The following APC2 variants were observed in gnomAD, a reference collection of about 807,000 sequenced individuals.
APC2 encodes APC regulator of Wnt signaling pathway 2.
A neutral mutation model predicts 72.5 loss-of-function variants in APC2; 41 were observed. The observed-to-expected ratio is 0.57, with a 90% CI of 0.44 to 0.73. The LOEUF (loss-of-function observed/expected upper bound fraction) is 0.73, where lower values mean the gene tolerates loss of function less well. Ranked by LOEUF, APC2 falls within the 30% of genes least tolerant of loss-of-function variation. The pLI is 0.00. For synonymous variants in APC2, 1,898 were observed against 1,612.0 expected, an observed-to-expected ratio of 1.18 and a Z score of -4.25; for missense variants, 3,729 against 3,403.4, an observed-to-expected ratio of 1.10 and a Z score of -2.38.
In APC2 at chr19:1,466,668, C is replaced by A; in HGVS notation, c.3367C>A (p.Pro1123Thr). 6.7e-7 allele frequency: 1 copy of A among 1,502,930 alleles called. No homozygotes were observed. Among genetic ancestry groups the A allele is most frequent in the Non-Finnish European group, 8.9e-7 (1 of 1,126,496 alleles). The allele number at this position is 1,502,930 out of a possible 1,614,324, so 93.1% of individuals were successfully genotyped here. A position where few individuals can be genotyped will look rare whatever the true frequency, so the allele number is the denominator to read the frequency against. ...TWRAPGATSLPVAIPAPRRNR... is the reference protein window; with the variant it reads ...TWRAPGATSLTVAIPAPRRNR... ...GCGGGCGCCCGGGGCCACCTCGCTG[C>A]CCGTAGCCATTCCGGCTCCCCGGCG... Residue 1123 changes from proline to threonine, a missense_variant, in exon 15 of 15, where the codon CCC becomes ACC. Transcript: ENST00000590469.
At position 1,457,213 on chromosome 19, in the gene APC2, G is replaced by A. The variant is rs1293067721; in HGVS notation, c.1177G>A (p.Gly393Ser). Residue 393 changes from glycine (G) to serine (S), a missense_variant, in exon 9 of 15, where the codon GGC (glycine) becomes AGC (serine). Physicochemically the swap from Gly to Ser is moderately conservative, Grantham distance 56. Coordinates refer to ENST00000590469, the MANE Select transcript of APC2 (RefSeq NM_005883.3). ...TCWDWLQARD[G>S]GPEGGGAGSA... ...CTGGGACTGGCTGCAGGCCCGAGAC[G>A]GCGGGCCCGAGGGAGGTGGCGCCGG... The A allele has an allele frequency of 3.2e-6, 5 of 1,546,770 alleles. No homozygotes were observed. Among genetic ancestry groups the A allele is most frequent in the African/African-American group, 1.4e-5 (1 of 72,606 alleles).
rs914954991 is a variant in APC2, at chr19:1,467,215, G to T, written c.3914G>T (p.Gly1305Val). ...CTGCCCTCGGCCTGCCCCGAGCGCG[G>T]CGGGGGCGCCGGGGGCGCCGGCCTC... ...RLLPSACPER[G>V]GGAGGAGLHF... The change falls in exon 15 of 15, where the codon GGC becomes GTC. Residue 1305 changes from glycine (G) to valine (V), a missense_variant. Coordinates refer to ENST00000590469, the MANE Select transcript of APC2 (RefSeq NM_005883.3). 3 of 1,402,008 alleles carry T rather than the reference G, an allele frequency of 2.1e-6. No individual in the cohort carries two copies. The African/African-American group carries it at 4.5e-5, about 21-fold the overall frequency. The allele number at this position is 1,402,008 out of a possible 1,614,324, so 86.8% of individuals were successfully genotyped here.
At position 1,466,690 on chromosome 19, in the gene APC2, G is replaced by A. The variant is rs1200559685; in HGVS notation, c.3389G>A (p.Arg1130Gln). The part of the protein sequence containing the change: ...TSLPVAIPAP[R>Q]RNRGRGLGVE... ...CTGCCCGTAGCCATTCCGGCTCCCC[G>A]GCGTAACCGAGGCCGGGGCCTGGGG... The change falls in exon 15 of 15, where the codon CGG becomes CAG. Residue 1130 changes from arginine to glutamine, a missense_variant. Coordinates refer to ENST00000590469, the MANE Select transcript of APC2 (RefSeq NM_005883.3). 12 of 1,515,668 alleles carry A rather than the reference G, an allele frequency of 7.9e-6. No individual in the cohort carries two copies. Among genetic ancestry groups the A allele is most frequent in the Admixed American group, 2.0e-5 (1 of 49,686 alleles). The allele number at this position is 1,515,668 out of a possible 1,614,324, so 93.9% of individuals were successfully genotyped here. A position where few individuals can be genotyped will look rare whatever the true frequency, so the allele number is the denominator to read the frequency against.
chr19:1,468,587 C>T lies in APC2; in HGVS notation c.5286C>T (p.Ser1762=). 6.3e-7 allele frequency: 1 copy of T among 1,598,782 alleles called. No homozygotes were observed. The highest frequency in any genetic ancestry group is 8.5e-7 in the Non-Finnish European group (1 of 1,170,860). ...EKRGAASVKT[S]GSPRSPAGPE... is the part of the protein sequence containing the mutation. ...GGGGCGCAGCCTCAGTCAAGACCAG[C>T]GGGAGCCCCCGTTCCCCTGCAGGCC... Residue 1762 remains serine (S), a synonymous_variant, in exon 15 of 15, where the codon AGC becomes AGT. Transcript: ENST00000590469.
Position 1,457,152 on chromosome 19 carries a change from C to T in APC2, c.1116C>T (p.His372=), listed in dbSNP as rs777020330. The T allele has an allele frequency of 1.9e-6, 3 of 1,586,948 alleles. No homozygotes were observed. The highest frequency in any genetic ancestry group is 1.8e-5 in the Admixed American group (1 of 56,850). ...GLARKEMRVL[H]VLEQIRAYCE... ...CGCGCAAGGAGATGCGCGTCCTGCA[C>T]GTGCTGGAGCAGATCCGGGCCTACT... Residue 372 remains histidine (H), a synonymous_variant, in exon 9 of 15, where the codon CAC becomes CAT. Transcript: ENST00000590469.
intron 9 of APC2, 97 bp downstream of exon 9, chr19:1,457,340 G>C: frequency 1.4e-6 from 2 of 1,426,524 alleles, no homozygotes; most frequent in South Asian, 2.9e-5. Context: ...TTTGCTGCCT[G>C]CCTTCTGGCG....
chr19:1,458,756 G>A (rs1482050992), intron 10 of APC2, among the ~76,000 whole-genome samples: 2 of 151,918 alleles, frequency 1.3e-5, no homozygotes, highest in Admixed American at 6.6e-5. Context: ...TCACTCTGTT[G>A]CCCAGGCTGG....
upstream of APC2, among the ~76,000 whole-genome samples, chr19:1,448,028 G>A (rs2083702105): frequency 6.6e-6 from 1 of 152,134 alleles, no homozygotes; most frequent in African/African-American, 2.4e-5. Context: ...AACAAGACTG[G>A]AAACCGAGGC....
At position 1,468,115 on chromosome 19, in the gene APC2, C is replaced by T. The variant is rs759638861; in HGVS notation, c.4814C>T (p.Ala1605Val). Residue 1605 changes from alanine to valine, a missense_variant, in exon 15 of 15, where the codon GCG becomes GTG. Transcript: ENST00000590469. ...GTCCATCCACGAGGCCGGGAGCCCG[C>T]GGTCACCAAGGACCCGGGCCCAGGA... ...PAVHPRGREP[A>V]VTKDPGPGGG... 11 of 1,519,642 alleles carry T rather than the reference C, an allele frequency of 7.2e-6. 1 individual carries two copies. In the South Asian group the frequency reaches 8.5e-5, roughly 12 times the overall value. The allele number at this position is 1,519,642 out of a possible 1,614,324, so 94.1% of individuals were successfully genotyped here.
rs143843462 is a variant in APC2 at position 1,460,950 on chromosome 19, G to A, written c.1522-87G>A. Reference sequence around the variant, plus strand: ...TGTGGTGGGCTGGCAGGGGTGTCCCGTCCGACTCTCTGCAGACTCACATTT... The same window carrying A: ...TGTGGTGGGCTGGCAGGGGTGTCCCATCCGACTCTCTGCAGACTCACATTT... On this transcript the variant is annotated intron_variant, in intron 12 of 14. Coordinates refer to ENST00000590469, the MANE Select transcript of APC2 (RefSeq NM_005883.3). 1.4e-4 allele frequency: 225 copies of A among 1,592,640 alleles called. 1 individual carries two copies. Among genetic ancestry groups the A allele is most frequent in the African/African-American group, 1.2e-3 (91 of 74,644 alleles).
intron 6 of APC2, among the ~76,000 whole-genome samples, chr19:1,455,776 G>A (rs2083813305): frequency 6.6e-6 from 1 of 152,102 alleles, no homozygotes; most frequent in South Asian, 2.1e-4. Context: ...GGTGGGTGGG[G>A]CCTAGAAGGA....
rs150959468 is a variant in APC2, at chr19:1,453,532, G to C, written c.334G>C (p.Gly112Arg). Residue 112 changes from glycine to arginine, a missense_variant, in exon 4 of 15, where the codon GGC becomes CGC. By Grantham distance (125) the Gly-to-Arg change is moderately radical. Transcript: ENST00000590469. ...GACCCCCGAGGGCAGCCCAGTACAC[G>C]GCTCCGGGCCCTCCAAGGACAGCTT... Reference protein sequence around the residue: ...ARTPEGSPVHGSGPSKDSFGE... With the variant: ...ARTPEGSPVHRSGPSKDSFGE... The C allele has an allele frequency of 1.2e-6, 2 of 1,611,610 alleles. No individual in the cohort carries two copies. The highest frequency in any genetic ancestry group is 1.7e-4 in the Middle Eastern group (1 of 6,054).
chr19:1,461,724 T>A (rs573669249), intron 13 of APC2: 5 of 501,378 alleles, frequency 1.0e-5, no homozygotes. Context: ...TGGTGGCGGG[T>A]GTCTGTAGTC....
rs892562736 is a variant in APC2, at chr19:1,466,030, A to T, written c.2729A>T (p.His910Leu). Residue 910 changes from histidine to leucine, a missense_variant, in exon 15 of 15, where the codon CAC becomes CTC. Coordinates refer to ENST00000590469, the MANE Select transcript of APC2 (RefSeq NM_005883.3). ...GGRREAGSRAHPLLRLKAAHA... is the reference protein window; with the variant it reads ...GGRREAGSRALPLLRLKAAHA... ...CGGCGAGAGGCAGGAAGCCGGGCGC[A>T]CCCGCTGCTGCGGCTCAAGGCGGCC... The T allele has an allele frequency of 2.0e-6, 3 of 1,494,920 alleles. No individual in the cohort carries two copies. The highest frequency in any genetic ancestry group is 2.7e-6 in the Non-Finnish European group (3 of 1,132,000). 92.6% of individuals were successfully genotyped at this position (1,494,920 alleles called of 1,614,324 possible).
chr19:1,452,048 T>C lies in APC2; in HGVS notation c.-18-936T>C, dbSNP rs1332520240. On this transcript the variant is annotated intron_variant, in intron 1 of 14. Coordinates refer to ENST00000590469, the MANE Select transcript of APC2 (RefSeq NM_005883.3). The surrounding 1 kb of genome is among the most constrained non-coding windows in gnomAD (Gnocchi z 5.1). ...TGGCAGAGGGATGGGCTGCCATTGG[T>C]GCGTCTGAGACAAAGGCGGAGGGAG... is the stretch of plus-strand genomic sequence containing the variant. 7.0e-6 allele frequency: 1 copy of C among 143,414 alleles called. No homozygotes were observed. Among genetic ancestry groups the C allele is most frequent in the Admixed American group, 7.2e-5 (1 of 13,812 alleles). 8.9% of individuals were successfully genotyped at this position (143,414 alleles called of 1,614,324 possible). A position where few individuals can be genotyped will look rare whatever the true frequency, so the allele number is the denominator to read the frequency against.
At position 1,468,395 on chromosome 19, in the gene APC2, G is replaced by A; in HGVS notation, c.5094G>A (p.Thr1698=). The change falls in exon 15 of 15, where the codon ACG becomes ACA. Residue 1698 remains threonine, a synonymous_variant. Coordinates refer to ENST00000590469, the MANE Select transcript of APC2 (RefSeq NM_005883.3). The part of the protein sequence containing the change: ...AIQEGANSIV[T]WLHQAAAATR... ...AGGAGGGCGCCAATTCAATTGTCAC[G>A]TGGCTGCACCAGGCAGCAGCTGCCA... 6.3e-7 allele frequency: 1 copy of A among 1,585,638 alleles called. No individual in the cohort carries two copies. Among genetic ancestry groups the A allele is most frequent in the Non-Finnish European group, 8.6e-7 (1 of 1,165,312 alleles).
Position 1,469,518 on chromosome 19 carries a change from G to T in APC2, c.6217G>T (p.Ala2073Ser). The T allele has an allele frequency of 8.6e-7, 1 of 1,156,964 alleles. No homozygotes were observed. The highest frequency in any genetic ancestry group is 1.1e-6 in the Non-Finnish European group (1 of 933,496). 71.7% of individuals were successfully genotyped at this position (1,156,964 alleles called of 1,614,324 possible). Reference sequence around the variant, plus strand: ...CCGACCCAGCCCTGGCGAGCGCCCTGCCCGGCGCACCACCTCCGAGAGCCC... The same window carrying T: ...CCGACCCAGCCCTGGCGAGCGCCCTTCCCGGCGCACCACCTCCGAGAGCCC... ...AARPSPGERP[A>S]RRTTSESPSR... The change falls in exon 15 of 15, where the codon GCC becomes TCC. Residue 2073 changes from alanine to serine, a missense_variant. Coordinates refer to ENST00000590469, the MANE Select transcript of APC2 (RefSeq NM_005883.3).
intron 4 of APC2, 22 bp from the exon 5 acceptor site, chr19:1,455,127 C>G: frequency 6.6e-7 from 1 of 1,519,672 alleles, no homozygotes; most frequent in South Asian, 1.2e-5. Flanking sequence ...TCTGAGCCCG[C>G]CCCCGCTGAC....
At position 1,456,677 on chromosome 19, in the gene APC2, A is replaced by AG. The variant is rs993809164; in HGVS notation, c.817-170dup. On this transcript the variant is annotated intron_variant, in intron 8 of 14. Transcript: ENST00000590469. ...GCGGCCACCCTAGGAATGCCAGGTG[A>AG]GGGGGGCCAGCCTCCCCGAAGCACG... Among the ~76,000 whole-genome samples, 20 of 152,098 alleles carry AG rather than the reference A, an allele frequency of 1.3e-4. No individual in the cohort carries two copies. In the South Asian group the frequency reaches 1.4e-3, roughly 11 times the overall value.
Sources: gnomAD v4.1 joint callset for allele counts (sites outside exome capture counted in the v4.1 genomes callset) on GRCh38, gnomAD v4.1.1 for gene constraint, Gnocchi (gnomAD v3.1) non-coding constraint, MANE v1.5 for transcripts, NCBI Gene and HGNC (gene_info 2026-07-23, HGNC 2026-07-21) for gene names.